The following IDH3B variants were observed in gnomAD, a reference collection of about 807,000 sequenced individuals.
The protein encoded by IDH3B is isocitrate dehydrogenase (NAD(+)) 3 non-catalytic subunit beta, also known as isocitrate dehydrogenase [NAD] subunit beta, mitochondrial.
IDH3B carries 40 observed loss-of-function variants against 47.5 expected under a neutral mutation model. The observed-to-expected ratio is 0.84, with a 90% CI of 0.65 to 1.10. The LOEUF (loss-of-function observed/expected upper bound fraction) is 1.10, where lower values mean the gene tolerates loss of function less well. Ranked by LOEUF, IDH3B falls within the 50% of genes least tolerant of loss-of-function variation. The probability of loss-of-function intolerance (pLI) is 0.00; values close to 1 mark genes in which losing one functional copy is unlikely to be tolerated. For synonymous variants in IDH3B, 185 were observed against 191.0 expected, an observed-to-expected ratio of 0.97 and a Z score of 0.26; for missense variants, 450 against 505.2, an observed-to-expected ratio of 0.89 and a Z score of 1.05.
chr20:2,659,444 G>T, intron 11 of IDH3B, 81 bp downstream of exon 11: 1 of 1,542,940 alleles, frequency 6.5e-7, no homozygotes, highest in Non-Finnish European at 9.0e-7. Context: ...CCCCCATTCA[G>T]GTTCCCCAGA....
rs760530872 is a variant in IDH3B at position 2,659,552 on chromosome 20, C to T, written c.1044G>A (p.Ala348=). ...LEYHSSMIAD[A]VKKVIKVGKV... Reference sequence around the variant, plus strand: ...TGCCAACTTTGATCACCTTCTTCACCGCATCTGCGATCATGCTGGAGTGAT... The same window carrying T: ...TGCCAACTTTGATCACCTTCTTCACTGCATCTGCGATCATGCTGGAGTGAT... Residue 348 remains alanine, a synonymous_variant, in exon 11 of 12, where the codon GCG becomes GCA. Transcript: ENST00000380843. The T allele has an allele frequency of 8.7e-6, 14 of 1,614,106 alleles. No individual in the cohort carries two copies. Among genetic ancestry groups the T allele is most frequent in the Admixed American group, 3.3e-5 (2 of 60,002 alleles).
chr20:2,663,807 C>T (rs1272037002), intron 2 of IDH3B, 49 bp from the exon 3 acceptor site: 1 of 1,606,136 alleles, frequency 6.2e-7, no homozygotes, highest in East Asian at 2.2e-5. Context: ...GGGGCGGGAG[C>T]ACGGATCCTG....
At position 2,663,768 on chromosome 20, in the gene IDH3B, G is replaced by A. The variant is rs769126547; in HGVS notation, c.118-10C>T. The stretch of plus-strand genomic sequence containing the variant: ...CCCTCACGTCCTCGGCCTCAATTGG[G>A]GGAAGAGGGGAGAAGTAAAGATAGA... On this transcript the variant is annotated splice_polypyrimidine_tract_variant and intron_variant, in intron 2 of 11. Coordinates refer to ENST00000380843, the MANE Select transcript of IDH3B (RefSeq NM_006899.5). The A allele has an allele frequency of 7.4e-6, 12 of 1,613,428 alleles. No individual in the cohort carries two copies. The South Asian group carries it at 1.3e-4, about 18-fold the overall frequency.
chr20:2,663,436 G>A lies in IDH3B; in HGVS notation c.337+10C>T, dbSNP rs2086984873. On this transcript the variant is annotated intron_variant, in intron 4 of 11. Transcript: ENST00000380843. ...TGGCACATGGACAAGTGGCAAGAGG[G>A]CACACATACCAATGATGGCCACTTT... 1.2e-6 allele frequency: 2 copies of A among 1,614,022 alleles called. No individual in the cohort carries two copies. The highest frequency in any genetic ancestry group is 2.2e-5 in the East Asian group (1 of 44,878).
chr20:2,658,723 C>G lies in IDH3B; in HGVS notation c.*28G>C. Reference sequence around the variant, plus strand: ...ACTGAAGGGTATGGGGAGTGTGGTCCTTGCAAGGTTGGAAGAAATAAAGGG... The same window carrying G: ...ACTGAAGGGTATGGGGAGTGTGGTCGTTGCAAGGTTGGAAGAAATAAAGGG... On this transcript the variant is annotated 3_prime_UTR_variant, in exon 12 of 12. Transcript: ENST00000380843. 6.2e-7 allele frequency: 1 copy of G among 1,614,130 alleles called. No homozygotes were observed. The highest frequency in any genetic ancestry group is 8.5e-7 in the Non-Finnish European group (1 of 1,180,012).
rs1457235305 is a variant in IDH3B, at chr20:2,660,557, C to T, written c.565G>A (p.Val189Ile). The T allele has an allele frequency of 3.7e-6, 6 of 1,614,044 alleles. No homozygotes were observed. The highest frequency in any genetic ancestry group is 5.1e-6 in the Non-Finnish European group (6 of 1,180,048). The change falls in exon 7 of 12, where the codon GTC becomes ATC. Residue 189 changes from valine (V) to isoleucine (I), a missense_variant. Physicochemically the swap from Val to Ile is conservative, Grantham distance 29 (BLOSUM62 3). Coordinates refer to ENST00000380843, the MANE Select transcript of IDH3B (RefSeq NM_006899.5). The surrounding 1 kb of genome is among the most constrained non-coding windows in gnomAD (Gnocchi z 5.6). The stretch of plus-strand genomic sequence containing the variant: ...ATCCGCTGAGACTTGGCTCGTGTGA[C>T]AATCTTCAAACACTCAATCACACCC... ...ARGVIECLKI[V>I]TRAKSQRIAK...
rs148201765 is a variant in IDH3B at position 2,660,543 on chromosome 20, C to T, written c.579G>A (p.Lys193=). ...IECLKIVTRA[K]SQRIAKFAFD... Reference sequence around the variant, plus strand: ...AGGCGAACTTTGCAATCCGCTGAGACTTGGCTCGTGTGACAATCTTCAAAC... The same window carrying T: ...AGGCGAACTTTGCAATCCGCTGAGATTTGGCTCGTGTGACAATCTTCAAAC... The change falls in exon 7 of 12, where the codon AAG becomes AAA. Residue 193 remains lysine (K), a synonymous_variant. Coordinates refer to ENST00000380843, the MANE Select transcript of IDH3B (RefSeq NM_006899.5). This position sits in a 1 kb window ranked among gnomAD's most constrained non-coding sequence, Gnocchi z 5.6. 2.2e-5 allele frequency: 36 copies of T among 1,614,182 alleles called. No homozygotes were observed. In the African/African-American group the frequency reaches 4.4e-4, roughly 20 times the overall value.
In IDH3B at chr20:2,663,907, AG is replaced by A; in HGVS notation, c.117+17del. The stretch of plus-strand genomic sequence containing the variant: ...GGGACAGGGTCGTAAGAGAGACCCC[AG>A]CCAGATTCGTGCATACCTGGCTCCG... On this transcript the variant is annotated intron_variant, in intron 2 of 11. Coordinates refer to ENST00000380843, the MANE Select transcript of IDH3B (RefSeq NM_006899.5). 2 of 1,613,504 alleles carry A rather than the reference AG, an allele frequency of 1.2e-6. No homozygotes were observed. Among genetic ancestry groups the A allele is most frequent in the Non-Finnish European group, 1.7e-6 (2 of 1,179,482 alleles).
Position 2,663,769 on chromosome 20 carries a change from G to A in IDH3B, c.118-11C>T, listed in dbSNP as rs1393864115. Reference sequence around the variant, plus strand: ...CCTCACGTCCTCGGCCTCAATTGGGGGAAGAGGGGAGAAGTAAAGATAGAG... The same window carrying A: ...CCTCACGTCCTCGGCCTCAATTGGGAGAAGAGGGGAGAAGTAAAGATAGAG... On this transcript the variant is annotated splice_polypyrimidine_tract_variant and intron_variant, in intron 2 of 11. Transcript: ENST00000380843. 2.5e-6 allele frequency: 4 copies of A among 1,613,556 alleles called. No homozygotes were observed. The highest frequency in any genetic ancestry group is 1.7e-5 in the Admixed American group (1 of 60,018).
Position 2,664,155 on chromosome 20 carries a change from G to C in IDH3B, c.34C>G (p.Arg12Gly), listed in dbSNP as rs745313320. The C allele has an allele frequency of 2.5e-6, 4 of 1,613,350 alleles. No homozygotes were observed. Among genetic ancestry groups the C allele is most frequent in the Non-Finnish European group, 3.4e-6 (4 of 1,179,824 alleles). The stretch of plus-strand genomic sequence containing the variant: ...CCCGACATGTCCCGGGGCCTCACTC[G>C]GGTCAGCCAGCGGACTCCGCTCAAT... ...AALSGVRWLTRALVSAGNPGA... is the reference protein window; with the variant it reads ...AALSGVRWLTGALVSAGNPGA... The change falls in exon 1 of 12, where the codon CGA (arginine) becomes GGA (glycine). Residue 12 changes from arginine (R) to glycine (G), a missense_variant and splice_region_variant. Arg to Gly is a moderately radical substitution (Grantham distance 125). Transcript: ENST00000380843.
At position 2,663,899 on chromosome 20, in the gene IDH3B, G is replaced by A. The variant is rs199966289; in HGVS notation, c.117+26C>T. On this transcript the variant is annotated intron_variant, in intron 2 of 11. Coordinates refer to ENST00000380843, the MANE Select transcript of IDH3B (RefSeq NM_006899.5). ...GCGAGGAAGGGACAGGGTCGTAAGA[G>A]AGACCCCAGCCAGATTCGTGCATAC... 9.8e-5 allele frequency: 158 copies of A among 1,611,786 alleles called. 1 individual carries two copies. In the African/African-American group the frequency reaches 1.9e-3, roughly 19 times the overall value.
chr20:2,661,020 G>C (rs1406851110), intron 4 of IDH3B, 51 bp from the exon 5 acceptor site: 1 of 1,539,542 alleles, frequency 6.5e-7, no homozygotes, highest in Non-Finnish European at 9.0e-7. Context: ...CAAGCCCAAG[G>C]GAACTCAGAC....
At chr20:2,663,312 C>T in intron 4 of IDH3B, 134 bp downstream of exon 4, 1 of 1,116,608 alleles carries the variant, frequency 9.0e-7, no homozygotes, top group Non-Finnish European at 1.4e-6. Context: ...TGGGAAGGAA[C>T]AAATGTCCAA....
chr20:2,660,860 C>T lies in IDH3B; in HGVS notation c.399-31G>A. The T allele has an allele frequency of 6.2e-7, 1 of 1,614,194 alleles. No individual in the cohort carries two copies. Among genetic ancestry groups the T allele is most frequent in the Middle Eastern group, 1.6e-4 (1 of 6,062 alleles). On this transcript the variant is annotated intron_variant, in intron 5 of 11. Transcript: ENST00000380843. This position sits in a 1 kb window ranked among gnomAD's most constrained non-coding sequence, Gnocchi z 5.6. ...GGTGGGCAGGGCCATCAGCTCTGCT[C>T]CTGGTGCCCTGGCACCTCTCAACCA...
chr20:2,658,775 AC>A lies in IDH3B; in HGVS notation c.1133del (p.Gly378ValfsTer50), dbSNP rs761546999. The A allele has an allele frequency of 6.2e-7, 1 of 1,614,102 alleles. No homozygotes were observed. The highest frequency in any genetic ancestry group is 8.5e-7 in the Non-Finnish European group (1 of 1,180,016). ...TTTDFIKSVI[G>X]HLQTKGS ...TCTAGCTCCCTTTAGTCTGCAGGTGACCGATGACAGACTTGATGAAGTCGGT... is the reference window on the plus strand; with the variant it reads ...TCTAGCTCCCTTTAGTCTGCAGGTGACGATGACAGACTTGATGAAGTCGGT... On this transcript the variant is annotated frameshift_variant, in exon 12 of 12. Coordinates refer to ENST00000380843, the MANE Select transcript of IDH3B (RefSeq NM_006899.5). LOFTEE classifies it high-confidence loss of function.
In IDH3B at chr20:2,660,120, G is replaced by T; in HGVS notation, c.825C>A (p.Asn275Lys). 1 of 1,614,122 alleles carries T rather than the reference G, an allele frequency of 6.2e-7. No individual in the cohort carries two copies. The highest frequency in any genetic ancestry group is 8.5e-7 in the Non-Finnish European group (1 of 1,180,010). Residue 275 changes from asparagine to lysine, a missense_variant, in exon 9 of 12, where the codon AAC becomes AAA. Physicochemically the swap from Asn to Lys is moderately conservative, Grantham distance 94. Transcript: ENST00000380843. The surrounding 1 kb of genome is among the most constrained non-coding windows in gnomAD (Gnocchi z 5.6). ...GGCCAGCAGCCAGATTGTCAATAATGTTCCCATAGAGATTGGGCATCACAA... is the reference window on the plus strand; with the variant it reads ...GGCCAGCAGCCAGATTGTCAATAATTTTCCCATAGAGATTGGGCATCACAA... ...DVLVMPNLYGNIIDNLAAGLV... is the reference protein window; with the variant it reads ...DVLVMPNLYGKIIDNLAAGLV...
rs746103479 is a variant in IDH3B at position 2,663,760 on chromosome 20, T to A, written c.118-2A>T. The A allele has an allele frequency of 6.2e-7, 1 of 1,613,652 alleles. No individual in the cohort carries two copies. The highest frequency in any genetic ancestry group is 8.5e-7 in the Non-Finnish European group (1 of 1,179,838). On this transcript the variant is annotated splice_acceptor_variant, in intron 2 of 11. Transcript: ENST00000380843. LOFTEE classifies it high-confidence loss of function. The stretch of plus-strand genomic sequence containing the variant: ...GCCCTCCACCCTCACGTCCTCGGCC[T>A]CAATTGGGGGAAGAGGGGAGAAGTA...
chr20:2,659,410 C>A, intron 11 of IDH3B, 115 bp downstream of exon 11: 1 of 1,541,478 alleles, frequency 6.5e-7, no homozygotes, highest in Non-Finnish European at 9.0e-7. Context: ...AGCAGATGTT[C>A]TGGGGACCTG....
At position 2,660,603 on chromosome 20, in the gene IDH3B, A is replaced by C. The variant is rs780012679; in HGVS notation, c.532-13T>G. 1.1e-5 allele frequency: 17 copies of C among 1,613,996 alleles called. No individual in the cohort carries two copies. The highest frequency in any genetic ancestry group is 1.3e-5 in the African/African-American group (1 of 74,902). On this transcript the variant is annotated splice_polypyrimidine_tract_variant and intron_variant, in intron 6 of 11. Transcript: ENST00000380843. This position sits in a 1 kb window ranked among gnomAD's most constrained non-coding sequence, Gnocchi z 5.6. The stretch of plus-strand genomic sequence containing the variant: ...CACCCCTTGCACTCTGGGTAAGAAG[A>C]AAGCAGCAGCTAGGTGACACTGGGA...
Sources: gnomAD v4.1 joint callset for allele counts on GRCh38, gnomAD v4.1.1 for gene constraint, Gnocchi (gnomAD v3.1) non-coding constraint, MANE v1.5 for transcripts, NCBI Gene and HGNC (gene_info 2026-07-23, HGNC 2026-07-21) for gene names.